The following ZNHIT3 variants were observed in gnomAD, a reference collection of about 807,000 sequenced individuals.
ZNHIT3 encodes the protein zinc finger HIT domain-containing protein 3.
Under a neutral mutation model 19.9 loss-of-function variants are expected in ZNHIT3, and 27 were observed. The observed-to-expected ratio is 1.36, with a 90% CI of 1.00 to 1.87. The LOEUF is 1.87. Ranked by LOEUF, ZNHIT3 falls within the 40% of genes most tolerant of loss-of-function variation. The probability of loss-of-function intolerance (pLI) is 0.00; values close to 1 mark genes in which losing one functional copy is unlikely to be tolerated. For missense variants in ZNHIT3, 215 were observed against 185.6 expected (o/e 1.16, Z -0.92); for synonymous variants, 81 against 65.7 (o/e 1.23, Z -1.13).
chr17:36,487,030 C>T (rs960154367), intron 2 of ZNHIT3, 64 bp downstream of exon 2: 3 of 1,593,740 alleles, frequency 1.9e-6, no homozygotes, highest in African/African-American at 1.4e-5. Flanking sequence ...GTCCAGCCTC[C>T]GTCTTGGGGG....
intron 2 of ZNHIT3, chr17:36,489,411 ACAGTG>A (rs1333381962): frequency 1.3e-5 from 2 of 152,130 alleles, no homozygotes; most frequent in African/African-American, 4.8e-5. Flanking sequence ...ATTCCCAATA[ACAGTG>A]CAGTGTATAA....
rs778987881 is a variant in ZNHIT3, at chr17:36,495,211, G to T, written c.287-12G>T. ...TGAACTCAGACTGGCTTTTTTTCTT[G>T]TTAATTTTTAGGGGAATCTGCAACA... On this transcript the variant is annotated splice_polypyrimidine_tract_variant and intron_variant, in intron 4 of 4. Transcript: ENST00000617429. The T allele has an allele frequency of 3.2e-6, 5 of 1,548,554 alleles. No individual in the cohort carries two copies. In the African/African-American group the frequency reaches 4.2e-5, roughly 13 times the overall value.
chr17:36,495,707 G>C lies in ZNHIT3; in HGVS notation c.*303G>C. On this transcript the variant is annotated 3_prime_UTR_variant, in exon 5 of 5. Transcript: ENST00000617429. ...ACGATATCAAGCTTACACTTCATAT[G>C]GAGTTAAACTTGGTCAGTGTTAATA... 8.0e-7 allele frequency: 1 copy of C among 1,254,682 alleles called. No homozygotes were observed. Among genetic ancestry groups the C allele is most frequent in the Non-Finnish European group, 1.0e-6 (1 of 1,001,558 alleles). The allele number at this position is 1,254,682 out of a possible 1,614,324, so 77.7% of individuals were successfully genotyped here. A position where few individuals can be genotyped will look rare whatever the true frequency, so the allele number is the denominator to read the frequency against.
At position 36,491,226 on chromosome 17, in the gene ZNHIT3, T is replaced by C. The variant is rs374014038; in HGVS notation, c.119-1587T>C. The C allele has an allele frequency of 2.2e-4, 34 of 152,386 alleles. No individual in the cohort carries two copies. The East Asian group carries it at 4.8e-3, about 22-fold the overall frequency. 9.4% of individuals were successfully genotyped at this position (152,386 alleles called of 1,614,324 possible). A position where few individuals can be genotyped will look rare whatever the true frequency, so the allele number is the denominator to read the frequency against. On this transcript the variant is annotated intron_variant, in intron 2 of 4. Transcript: ENST00000617429. ...GATACCGCTCTGTGGTATTCTCTCC[T>C]CCCTTTCTCCCTTCGAAGTCCTAAC...
intron 4 of ZNHIT3, among the ~76,000 whole-genome samples, chr17:36,494,583 AT>A (rs946205764): frequency 2.6e-5 from 4 of 152,222 alleles, no homozygotes; most frequent in African/African-American, 9.6e-5. Flanking sequence ...CATTCTTCCC[AT>A]TTCACAGAAT....
At chr17:36,494,042 C>G in intron 4 of ZNHIT3, 36 bp downstream of exon 4, 1 of 1,487,038 alleles carries the variant, frequency 6.7e-7, no homozygotes, top group Non-Finnish European at 9.4e-7. Context: ...CGTTGAGATA[C>G]ATTTACTGTG....
chr17:36,488,605 T>TA (rs1555563810), intron 2 of ZNHIT3, among the ~76,000 whole-genome samples: 2 of 152,186 alleles, frequency 1.3e-5, no homozygotes, highest in Non-Finnish European at 2.9e-5. Context: ...CTCACTGACT[T>TA]AAAGGACTGT....
intron 2 of ZNHIT3, chr17:36,489,291 C>T (rs2070669037): frequency 6.6e-6 from 1 of 152,128 alleles, no homozygotes; most frequent in Admixed American, 6.6e-5. Context: ...GATTTCATTT[C>T]CTTTGGATAT....
At chr17:36,488,958 C>T (rs180824121) in intron 2 of ZNHIT3, among the ~76,000 whole-genome samples, 3 of 152,304 alleles carry the variant, frequency 2.0e-5, no homozygotes, top group African/African-American at 7.2e-5. Context: ...AGCAACTTCT[C>T]CCTAGCCCCC....
rs541610878 is a variant in ZNHIT3, at chr17:36,493,161, G to A, written c.205+262G>A. 1.2e-4 allele frequency: 63 copies of A among 528,248 alleles called. No homozygotes were observed. The East Asian group carries it at 1.5e-3, about 12-fold the overall frequency. The allele number at this position is 528,248 out of a possible 1,614,324, so 32.7% of individuals were successfully genotyped here. ...CCATGGCTGTGGTTTGGGGGTTTGC[G>A]GTGGGCCCTGCTGGCAGGAGCCTTC... On this transcript the variant is annotated intron_variant, in intron 3 of 4. Transcript: ENST00000617429.
At chr17:36,492,976 T>A (rs2070762636) in intron 3 of ZNHIT3, 77 bp downstream of exon 3, 1 of 1,361,424 alleles carries the variant, frequency 7.3e-7, no homozygotes, top group Non-Finnish European at 1.0e-6. Context: ...AGAGTGGGGC[T>A]GGTCAGGGAA....
In ZNHIT3 at chr17:36,486,984, C is replaced by T; in HGVS notation, c.118+18C>T. On this transcript the variant is annotated intron_variant, in intron 2 of 4. Coordinates refer to ENST00000617429, the MANE Select transcript of ZNHIT3 (RefSeq NM_004773.4). Reference sequence around the variant, plus strand: ...GCACAAAGGTGAGCCCCGTCCCCGCCAGCCCTCGTACCACTGCGCACGGGG... The same window carrying T: ...GCACAAAGGTGAGCCCCGTCCCCGCTAGCCCTCGTACCACTGCGCACGGGG... 1 of 1,610,800 alleles carries T rather than the reference C, an allele frequency of 6.2e-7. No individual in the cohort carries two copies. The highest frequency in any genetic ancestry group is 8.5e-7 in the Non-Finnish European group (1 of 1,179,312).
At chr17:36,496,277 A>G (rs763351342), downstream of ZNHIT3, 11 of 1,613,934 alleles carry the variant, frequency 6.8e-6, no homozygotes, top group Middle Eastern at 1.6e-4. Flanking sequence ...AAGGCAGAAG[A>G]GGTCACGTGG....
chr17:36,489,934 A>ATTTTT (rs758612211), intron 2 of ZNHIT3: 1 of 118,196 alleles, frequency 8.5e-6, no homozygotes, highest in Admixed American at 8.5e-5. Context: ...TGTCCACTTA[A>ATTTTT]TTTTTTTTTT....
chr17:36,490,362 C>T (rs2070699209), intron 2 of ZNHIT3: 1 of 152,108 alleles, frequency 6.6e-6, no homozygotes, highest in African/African-American at 2.4e-5. Flanking sequence ...AGTATATGCT[C>T]TTGGTGCCTT....
chr17:36,496,402 G>T (rs766772441), downstream of ZNHIT3: 1 of 1,613,872 alleles, frequency 6.2e-7, no homozygotes, highest in Non-Finnish European at 8.5e-7. Flanking sequence ...AAACTTTATC[G>T]ATCCCTAGAG....
chr17:36,497,914 C>A, downstream of ZNHIT3: 1 of 256,394 alleles, frequency 3.9e-6, no homozygotes. Flanking sequence ...CCTCCTGCTC[C>A]TGACTCATCT....
intron 2 of ZNHIT3, among the ~76,000 whole-genome samples, chr17:36,487,536 G>A (rs2070601758): frequency 6.6e-6 from 1 of 152,262 alleles, no homozygotes; most frequent in African/African-American, 2.4e-5. Context: ...GCTCACGCCT[G>A]TGGTCCCGGC....
intron 2 of ZNHIT3, among the ~76,000 whole-genome samples, chr17:36,488,865 A>T (rs1014608354): frequency 6.6e-6 from 1 of 152,198 alleles, no homozygotes; most frequent in Non-Finnish European, 1.5e-5. Flanking sequence ...GAAAGTATAA[A>T]TTGCTGCCAA....
Sources: gnomAD v4.1 joint callset for allele counts (sites outside exome capture counted in the v4.1 genomes callset) on GRCh38, gnomAD v4.1.1 for gene constraint, MANE v1.5 for transcripts, NCBI Gene and HGNC (gene_info 2026-07-23, HGNC 2026-07-21) for gene names.